Variants in RRM2 observed in about 807,000 individuals in gnomAD.
RRM2 encodes the protein ribonucleoside-diphosphate reductase subunit M2.
RRM2 carries 6 observed loss-of-function variants against 45.9 expected under a neutral mutation model. That is an observed-to-expected ratio of 0.13 (90% CI 0.07 to 0.26). The LOEUF (loss-of-function observed/expected upper bound fraction) is 0.26. RRM2 is among the 10% of genes least tolerant of loss of function. The pLI is 1.00. For missense variants in RRM2, 343 were observed against 489.5 expected (o/e 0.70, Z 2.82); for synonymous variants, 177 against 173.0 (o/e 1.02, Z -0.18).
intron 3 of RRM2, among the ~76,000 whole-genome samples, chr2:10,167,461 G>C (rs1030582943): frequency 6.6e-6 from 1 of 152,074 alleles, no homozygotes; most frequent in Non-Finnish European, 1.5e-5. Flanking sequence ...GTGTGTGTCC[G>C]TGCCTGTGCG....
intron 3 of RRM2, among the ~76,000 whole-genome samples, chr2:10,163,038 G>A (rs963157192): frequency 6.6e-6 from 1 of 152,236 alleles, no homozygotes; most frequent in African/African-American, 2.4e-5. Flanking sequence ...GCTCATCAGT[G>A]AAGCAGGTAA....
At chr2:10,177,015 G>T (rs577921537) in intron 3 of RRM2, among the ~76,000 whole-genome samples, 16 of 152,316 alleles carry the variant, frequency 1.1e-4, no homozygotes, top group Middle Eastern at 3.4e-3. Context: ...GGAGGCCGAG[G>T]CGGGTGGATC....
At chr2:10,164,075 T>C (rs1395070364) in intron 3 of RRM2, among the ~76,000 whole-genome samples, 1 of 151,990 alleles carries the variant, frequency 6.6e-6, no homozygotes, top group Non-Finnish European at 1.5e-5. Flanking sequence ...AACGTGTGTG[T>C]GAGTGTGCAT....
chr2:10,141,634 G>A (rs554188243), exon 1 of RRM2: 47 of 604,374 alleles, frequency 7.8e-5, no homozygotes, highest in South Asian at 4.5e-4. Context: ...AAGATCACAC[G>A]GAGGAGGGTA....
chr2:10,142,422 T>C (rs373942667), intron 3 of RRM2: 4 of 1,366,548 alleles, frequency 2.9e-6, no homozygotes, highest in Non-Finnish European at 2.9e-6. Flanking sequence ...GGGGCCACTG[T>C]GGAGGTGGCT....
At chr2:10,184,241 C>T (rs757591335) in intron 3 of RRM2, among the ~76,000 whole-genome samples, 55 of 152,216 alleles carry the variant, frequency 3.6e-4, no homozygotes, top group Non-Finnish European at 6.3e-4. Flanking sequence ...GGACCAGCAC[C>T]GGCCTGGTAG....
exon 4 of RRM2, chr2:10,210,516 T>TCA (rs1281704209): frequency 7.3e-7 from 1 of 1,367,228 alleles, no homozygotes; most frequent in Non-Finnish European, 9.8e-7. Context: ...GCTCCAAGCT[T>TCA]CAGCATATCC....
chr2:10,181,356 A>G (rs1403406496), intron 3 of RRM2, among the ~76,000 whole-genome samples: 1 of 152,190 alleles, frequency 6.6e-6, no homozygotes, highest in Non-Finnish European at 1.5e-5. Context: ...TCTCACCAGA[A>G]ATGTATTAGT....
intron 3 of RRM2, among the ~76,000 whole-genome samples, chr2:10,165,512 G>T (rs1006703628): frequency 1.3e-5 from 2 of 152,226 alleles, no homozygotes; most frequent in Admixed American, 6.5e-5. Context: ...ACATTTAACC[G>T]GCTGGGGACC....
At chr2:10,141,918 T>C (rs1663088688) in exon 2 of RRM2, 5 of 1,577,844 alleles carry the variant, frequency 3.2e-6, no homozygotes, top group Non-Finnish European at 4.3e-6. Flanking sequence ...AGCACGCCAG[T>C]GAGGGAGATG....
chr2:10,200,615 CCGCG>C (rs1664542518), intron 3 of RRM2, among the ~76,000 whole-genome samples: 1 of 72,200 alleles, frequency 1.4e-5, no homozygotes, highest in Non-Finnish European at 3.1e-5. Flanking sequence ...CCCACAGGGA[CCGCG>C]CGCGCAAAAT....
chr2:10,167,592 A>G (rs556640128), intron 3 of RRM2, among the ~76,000 whole-genome samples: 4 of 152,040 alleles, frequency 2.6e-5, no homozygotes, highest in Admixed American at 6.5e-5. Context: ...TGGTGGTGGG[A>G]AGGTCCTCTG....
rs148772464 is a variant in RRM2 at position 10,201,159 on chromosome 2, A to G, written n.483-9152A>G. Among the ~76,000 whole-genome samples the G allele has an allele frequency of 8.6e-3, 1,296 of 150,886 alleles. 23 individuals carry two copies. Among genetic ancestry groups the G allele is most frequent in the African/African-American group, 0.026 (1,047 of 41,042 alleles). On this transcript the variant is annotated intron_variant and non_coding_transcript_variant, in intron 3 of 3. Transcript: ENST00000381786. ...GCAAGATTCCATCTCAAAAAAAAAA[A>G]AAAGAAAGAAAGAAAGAAAGAAAAC...
At chr2:10,138,846 G>A (rs1170651706), upstream of RRM2, among the ~76,000 whole-genome samples, 1 of 151,896 alleles carries the variant, frequency 6.6e-6, no homozygotes, top group South Asian at 2.1e-4. Flanking sequence ...GGTGGCTCAC[G>A]CCTGTAATCC....
At chr2:10,142,031 T>C (rs1663095066) in intron 2 of RRM2, 1 of 1,586,720 alleles carries the variant, frequency 6.3e-7, no homozygotes. Flanking sequence ...TGCTCTTTCA[T>C]GTGGGGAGCC....
intron 3 of RRM2, among the ~76,000 whole-genome samples, chr2:10,194,710 C>T (rs1342067890): frequency 6.6e-6 from 1 of 152,208 alleles, no homozygotes; most frequent in Admixed American, 6.5e-5. Context: ...CCATCTGGAG[C>T]GGGCTCAGTG....
In RRM2 at chr2:10,129,616, T is replaced by C; in HGVS notation, c.*230T>C. 3.8e-6 allele frequency: 2 copies of C among 527,466 alleles called. No homozygotes were observed. Among genetic ancestry groups the C allele is most frequent in the Non-Finnish European group, 6.7e-6 (2 of 300,384 alleles). The allele number at this position is 527,466 out of a possible 1,614,324, so 32.7% of individuals were successfully genotyped here. A position where few individuals can be genotyped will look rare whatever the true frequency, so the allele number is the denominator to read the frequency against. Reference sequence around the variant, plus strand: ...CTGTGACTTACCATAGCAGTGACAATGGCAGTCTTGGCTTTAAAGTGAGGG... The same window carrying C: ...CTGTGACTTACCATAGCAGTGACAACGGCAGTCTTGGCTTTAAAGTGAGGG... On this transcript the variant is annotated 3_prime_UTR_variant, in exon 10 of 10. Transcript: ENST00000304567. The surrounding 1 kb of genome is among the most constrained non-coding windows in gnomAD (Gnocchi z 4.8).
rs975431175 is a variant in RRM2 at position 10,205,501 on chromosome 2, G to C, written n.483-4810G>C. 3.3e-5 allele frequency among the ~76,000 whole-genome samples: 5 copies of C among 152,106 alleles called. No homozygotes were observed. Among genetic ancestry groups the C allele is most frequent in the African/African-American group, 7.2e-5 (3 of 41,414 alleles). On this transcript the variant is annotated intron_variant and non_coding_transcript_variant, in intron 3 of 3. Coordinates refer to the RRM2 transcript ENST00000381786. The surrounding 1 kb of genome is among the most constrained non-coding windows in gnomAD (Gnocchi z 4.8). Reference sequence around the variant, plus strand: ...CGTGGACACTCGGAGGTGGGGGAAGGCTCTGTTCTTTTACTTTTCTGGTTC... The same window carrying C: ...CGTGGACACTCGGAGGTGGGGGAAGCCTCTGTTCTTTTACTTTTCTGGTTC...
At chr2:10,160,224 G>A (rs774757105) in intron 3 of RRM2, among the ~76,000 whole-genome samples, 11 of 152,188 alleles carry the variant, frequency 7.2e-5, no homozygotes, top group Non-Finnish European at 1.5e-4. Context: ...TGATTGTCCT[G>A]TGCTAGCTTT....
Sources: gnomAD v4.1 joint callset for allele counts (sites outside exome capture counted in the v4.1 genomes callset) on GRCh38, gnomAD v4.1.1 for gene constraint, Gnocchi (gnomAD v3.1) non-coding constraint, MANE v1.5 for transcripts, NCBI Gene and HGNC (gene_info 2026-07-23, HGNC 2026-07-21) for gene names.